Variants in KAZN observed in about 807,000 individuals in gnomAD.
KAZN encodes kazrin, periplakin interacting protein, also known as kazrin.
KAZN carries 40 observed loss-of-function variants against 87.4 expected under a neutral mutation model. The ratio of observed to expected loss-of-function variants is 0.46; its 90% CI spans 0.36 to 0.60. KAZN has a LOEUF of 0.60. Ranked by LOEUF, KAZN falls within the 20% of genes least tolerant of loss-of-function variation. The probability of loss-of-function intolerance (pLI) is 0.00; values close to 1 mark genes in which losing one functional copy is unlikely to be tolerated. For missense variants in KAZN, 898 were observed against 1,073.9 expected, an observed-to-expected ratio of 0.84 and a Z score of 2.29; for synonymous variants, 466 against 458.3, an observed-to-expected ratio of 1.02 and a Z score of -0.22.
chr1:14,384,494 A>G (rs1357895393), intron 2 of KAZN, among the ~76,000 whole-genome samples: 3 of 152,160 alleles, frequency 2.0e-5, no homozygotes, highest in Non-Finnish European at 2.9e-5. Context: ...CGTCCCATCA[A>G]TACCTAATTT....
At chr1:14,193,566 T>C (rs569020168) in intron 2 of KAZN, among the ~76,000 whole-genome samples, 1 of 152,128 alleles carries the variant, frequency 6.6e-6, no homozygotes, top group Admixed American at 6.5e-5. Flanking sequence ...TGCTGTTGTA[T>C]CAGCCACCCA....
chr1:14,652,802 T>C (rs918666111), intron 1 of KAZN, among the ~76,000 whole-genome samples: 2 of 151,798 alleles, frequency 1.3e-5, no homozygotes, highest in African/African-American at 4.8e-5. Flanking sequence ...TGCCAGGCCA[T>C]ACACACCAGT....
intron 1 of KAZN, among the ~76,000 whole-genome samples, chr1:14,081,746 C>CTTTG (rs70997114): frequency 0.1 from 15,293 of 151,832 alleles, 918 homozygotes; most frequent in East Asian, 0.13. Flanking sequence ...GTCCCTTTTG[C>CTTTG]TTTGTTTTGT....
intron 1 of KAZN, among the ~76,000 whole-genome samples, chr1:14,604,766 C>G (rs1435056323): frequency 1.3e-5 from 2 of 152,136 alleles, no homozygotes; most frequent in African/African-American, 4.8e-5. Context: ...AGGTCCCTGC[C>G]CCTTTACTTT....
chr1:14,020,267 C>T (rs918879015), intron 1 of KAZN, among the ~76,000 whole-genome samples: 1 of 152,148 alleles, frequency 6.6e-6, no homozygotes, highest in Non-Finnish European at 1.5e-5. Flanking sequence ...TGGCCCAGTT[C>T]CTAACAGGCC....
In KAZN at chr1:14,001,380, C is replaced by T. The variant is rs377518049; in HGVS notation, c.91+107624C>T. On this transcript the variant is annotated intron_variant, in intron 1 of 16. Coordinates refer to the KAZN transcript ENST00000636203. The stretch of plus-strand genomic sequence containing the variant: ...GACACAAACAAATAAAAAAACATTT[C>T]ATCCTCATGGATAGGAAGAATAAAT... Among the ~76,000 whole-genome samples, 11 of 152,296 alleles carry T rather than the reference C, an allele frequency of 7.2e-5. No homozygotes were observed. In the East Asian group the frequency reaches 1.4e-3, roughly 19 times the overall value.
At position 15,080,455 on chromosome 1, in the gene KAZN, G is replaced by GC. The variant is rs943579595; in HGVS notation, c.1223-13720dup. Reference sequence around the variant, plus strand: ...CTGCCCACCAAGGGTCCTGCCATCAGCCCCCAGCAGCCACAGTGGTGAGTG... The same window carrying GC: ...CTGCCCACCAAGGGTCCTGCCATCAGCCCCCCAGCAGCCACAGTGGTGAGTG... On this transcript the variant is annotated intron_variant, in intron 8 of 14. Transcript: ENST00000376030. Among the ~76,000 whole-genome samples, 13 of 152,064 alleles carry GC rather than the reference G, an allele frequency of 8.5e-5. 1 individual carries two copies. Among genetic ancestry groups the GC allele is most frequent in the Admixed American group, 2.0e-4 (3 of 15,266 alleles).
intron 1 of KAZN, among the ~76,000 whole-genome samples, chr1:14,800,461 G>A (rs1645975144): frequency 6.6e-6 from 1 of 152,198 alleles, no homozygotes; most frequent in African/African-American, 2.4e-5. Flanking sequence ...AGCACTTTGG[G>A]AGGCCGAGGC....
At chr1:14,075,071 TG>T (rs1486278645) in intron 1 of KAZN, among the ~76,000 whole-genome samples, 2 of 152,094 alleles carry the variant, frequency 1.3e-5, no homozygotes, top group Non-Finnish European at 2.9e-5. Context: ...AAAAAAAAGA[TG>T]GGGTGAGGGG....
chr1:14,889,933 G>A (rs553342581), intron 1 of KAZN, among the ~76,000 whole-genome samples: 4 of 152,270 alleles, frequency 2.6e-5, no homozygotes, highest in East Asian at 1.9e-4. Context: ...AGACTGTGTC[G>A]GGTAGTATCA....
At chr1:14,416,482 A>C (rs370057869) in intron 2 of KAZN, among the ~76,000 whole-genome samples, 2 of 152,206 alleles carry the variant, frequency 1.3e-5, no homozygotes, top group East Asian at 3.8e-4. Flanking sequence ...CATGCCTATA[A>C]TTCTAGCACT....
chr1:14,500,673 A>G (rs551753807), intron 2 of KAZN, among the ~76,000 whole-genome samples: 3 of 152,260 alleles, frequency 2.0e-5, no homozygotes, highest in African/African-American at 7.2e-5. Context: ...GGTTCTTTCA[A>G]AAGATCAACA....
chr1:14,554,801 C>A (rs1037107127), intron 2 of KAZN, among the ~76,000 whole-genome samples: 1 of 152,170 alleles, frequency 6.6e-6, no homozygotes, highest in African/African-American at 2.4e-5. Context: ...TTTTCCTAGA[C>A]CCTATAAGTC....
chr1:14,996,888 C>T lies in KAZN; in HGVS notation c.418+36013C>T, dbSNP rs1285526188. Among the ~76,000 whole-genome samples, 2 of 152,216 alleles carry T rather than the reference C, an allele frequency of 1.3e-5. No individual in the cohort carries two copies. ...CCATGACCTCGCACCCACCTCCCTG[C>T]CTGACCTCACCGCCCCAGGAAGCTT... On this transcript the variant is annotated intron_variant, in intron 2 of 14. Transcript: ENST00000376030. The surrounding 1 kb of genome is among the most constrained non-coding windows in gnomAD (Gnocchi z 5.9).
At chr1:14,295,379 C>T (rs1654030055) in intron 2 of KAZN, among the ~76,000 whole-genome samples, 2 of 152,152 alleles carry the variant, frequency 1.3e-5, no homozygotes, top group African/African-American at 4.8e-5. Context: ...GAAACATGGA[C>T]CCTCCCAGCT....
At chr1:14,535,630 C>T (rs976185930) in intron 2 of KAZN, among the ~76,000 whole-genome samples, 1 of 151,560 alleles carries the variant, frequency 6.6e-6, no homozygotes, top group African/African-American at 2.4e-5. Context: ...CACACCACTG[C>T]ACTCCAGCCT....
intron 1 of KAZN, among the ~76,000 whole-genome samples, chr1:13,982,945 T>A (rs1309079004): frequency 6.6e-6 from 1 of 151,142 alleles, no homozygotes; most frequent in Non-Finnish European, 1.5e-5. Context: ...TCTCCATTGG[T>A]GTGCTCACAA....
intron 1 of KAZN, among the ~76,000 whole-genome samples, chr1:13,927,759 G>T (rs1405148965): frequency 6.6e-6 from 1 of 152,166 alleles, no homozygotes; most frequent in African/African-American, 2.4e-5. Flanking sequence ...TTAGAAGGTC[G>T]CATAGCAACT....
At chr1:14,430,411 A>T (rs958893758) in intron 2 of KAZN, among the ~76,000 whole-genome samples, 1 of 152,192 alleles carries the variant, frequency 6.6e-6, no homozygotes, top group African/African-American at 2.4e-5. Context: ...CTTAATAAAG[A>T]TTTATCGAAA....
Sources: allele counts gnomAD v4.1 joint callset (sites outside exome capture counted in the v4.1 genomes callset), GRCh38; gene constraint gnomAD v4.1.1; non-coding constraint Gnocchi (gnomAD v3.1); transcripts MANE v1.5; gene names NCBI Gene and HGNC (gene_info 2026-07-23, HGNC 2026-07-21).